The following DCLK1 variants were observed in gnomAD, a reference collection of about 807,000 sequenced individuals.
The protein encoded by DCLK1 is doublecortin like kinase 1.
DCLK1 carries 16 observed loss-of-function variants against 86.2 expected under a neutral mutation model. That is an observed-to-expected ratio of 0.19 (90% CI 0.13 to 0.28). The LOEUF (loss-of-function observed/expected upper bound fraction) is 0.28. Ranked by LOEUF, DCLK1 falls within the 10% of genes least tolerant of loss-of-function variation. The pLI, the probability that DCLK1 is intolerant of heterozygous loss-of-function variation, is 1.00. For synonymous variants in DCLK1, 369 were observed against 370.5 expected (o/e 1.00, Z 0.05); for missense variants, 590 against 940.2 (o/e 0.63, Z 4.87).
chr13:35,975,968 C>A (rs977691460), intron 3 of DCLK1, among the ~76,000 whole-genome samples: 2 of 152,182 alleles, frequency 1.3e-5, no homozygotes, highest in Non-Finnish European at 2.9e-5. Context: ...ATCCTCCGAC[C>A]TATTTCCTCA....
chr13:35,945,180 G>C (rs746727987), intron 4 of DCLK1, among the ~76,000 whole-genome samples: 1 of 152,146 alleles, frequency 6.6e-6, no homozygotes, highest in Non-Finnish European at 1.5e-5. Flanking sequence ...GTTTACAGGC[G>C]TGAGCCACTG....
intron 3 of DCLK1, among the ~76,000 whole-genome samples, chr13:35,954,220 T>A (rs9574980): frequency 0.15 from 22,769 of 151,598 alleles, 2,048 homozygotes; most frequent in East Asian, 0.22. Flanking sequence ...GCTTTTTTTT[T>A]AAAAAAAAAT....
Position 35,812,227 on chromosome 13 carries a change from C to T in DCLK1, c.1555-1259G>A, listed in dbSNP as rs550562285. 1.4e-3 allele frequency among the ~76,000 whole-genome samples: 210 copies of T among 152,208 alleles called. 1 individual carries two copies. Among genetic ancestry groups the T allele is most frequent in the Non-Finnish European group, 2.6e-3 (178 of 68,026 alleles). Reference sequence around the variant, plus strand: ...TTATTTCAAAGAAAAGATGAAAGGGCGTTCAGAATCCTAATTGAGTCCCCT... The same window carrying T: ...TTATTTCAAAGAAAAGATGAAAGGGTGTTCAGAATCCTAATTGAGTCCCCT... On this transcript the variant is annotated intron_variant, in intron 11 of 16. Coordinates refer to ENST00000360631, the MANE Select transcript of DCLK1 (RefSeq NM_001330071.2).
chr13:36,077,848 G>A (rs942149545), intron 3 of DCLK1, among the ~76,000 whole-genome samples: 4 of 152,176 alleles, frequency 2.6e-5, no homozygotes, highest in African/African-American at 9.7e-5. Flanking sequence ...CAATGCTGAT[G>A]TCGGGGACAT....
At chr13:35,780,376 C>G (rs188662565) in intron 16 of DCLK1, among the ~76,000 whole-genome samples, 417 of 152,242 alleles carry the variant, frequency 2.7e-3, no homozygotes, top group African/African-American at 9.6e-3. Context: ...CCAAGTGTTT[C>G]CTTAGTAAGT....
At chr13:35,926,812 G>A (rs1165484394) in intron 4 of DCLK1, among the ~76,000 whole-genome samples, 1 of 152,230 alleles carries the variant, frequency 6.6e-6, no homozygotes, top group Non-Finnish European at 1.5e-5. Flanking sequence ...AACTCAGAGA[G>A]GTTAAGTAAT....
At chr13:35,914,161 A>G (rs1334229424) in intron 4 of DCLK1, among the ~76,000 whole-genome samples, 1 of 151,576 alleles carries the variant, frequency 6.6e-6, no homozygotes. Flanking sequence ...TCTACAAAAA[A>G]TACAAATATT....
chr13:35,902,360 C>T (rs559918402), intron 4 of DCLK1, among the ~76,000 whole-genome samples: 7 of 152,304 alleles, frequency 4.6e-5, no homozygotes, highest in South Asian at 4.1e-4. Context: ...CGATTTCCTA[C>T]GCAAGCTTGG....
intron 4 of DCLK1, among the ~76,000 whole-genome samples, chr13:35,880,209 T>C (rs1364518965): frequency 6.6e-6 from 1 of 152,224 alleles, no homozygotes; most frequent in Non-Finnish European, 1.5e-5. Context: ...TAAAATTGGA[T>C]TAGTACCCAT....
intron 6 of DCLK1, among the ~76,000 whole-genome samples, chr13:35,844,716 G>C (rs1016389400): frequency 6.6e-6 from 1 of 152,114 alleles, no homozygotes. Flanking sequence ...TTAAACTCTG[G>C]TTATATTAAG....
chr13:35,836,272 G>A (rs1411774154), intron 7 of DCLK1, 131 bp from the exon 8 acceptor site: 1 of 727,800 alleles, frequency 1.4e-6, no homozygotes, highest in African/African-American at 1.8e-5. Context: ...TGTACAGTGA[G>A]GCAACTGCCT....
intron 3 of DCLK1, among the ~76,000 whole-genome samples, chr13:36,008,703 T>C (rs1465486179): frequency 6.7e-6 from 1 of 150,268 alleles, no homozygotes; most frequent in African/African-American, 2.4e-5. Flanking sequence ...TGTGTCTTTA[T>C]AGCAGCATGA....
chr13:35,788,034 T>A (rs1026003161), intron 16 of DCLK1: 2 of 643,994 alleles, frequency 3.1e-6, no homozygotes, highest in Non-Finnish European at 5.5e-6. Context: ...GAATAATGGG[T>A]GAAAAAAAGG....
At chr13:35,851,584 C>T (rs1004618451) in intron 6 of DCLK1, among the ~76,000 whole-genome samples, 19 of 152,286 alleles carry the variant, frequency 1.2e-4, no homozygotes, top group Non-Finnish European at 2.6e-4. Flanking sequence ...CAACACATTT[C>T]TTCCTGATGG....
intron 4 of DCLK1, among the ~76,000 whole-genome samples, chr13:35,871,902 G>A (rs1593684676): frequency 1.3e-5 from 2 of 152,218 alleles, no homozygotes; most frequent in Admixed American, 1.3e-4. Context: ...CCTGCTGCAA[G>A]GGCATCCTGC....
At chr13:36,059,977 T>A (rs537309349) in intron 3 of DCLK1, among the ~76,000 whole-genome samples, 214 of 152,040 alleles carry the variant, frequency 1.4e-3, no homozygotes, top group African/African-American at 4.8e-3. Context: ...GTTCAAGAGA[T>A]TCTTCTGCCT....
intron 3 of DCLK1, among the ~76,000 whole-genome samples, chr13:36,030,506 C>G (rs2153153076): frequency 6.8e-6 from 1 of 147,180 alleles, no homozygotes; most frequent in East Asian, 2.0e-4. Flanking sequence ...GGAATTTCAT[C>G]ACGTTGGCCA....
At chr13:36,025,838 G>A (rs61948284) in intron 3 of DCLK1, among the ~76,000 whole-genome samples, 397 of 152,140 alleles carry the variant, frequency 2.6e-3, no homozygotes, top group Non-Finnish European at 3.6e-3. Flanking sequence ...AAATTTAGAC[G>A]TGATTTAATC....
chr13:36,045,747 G>A (rs1882888610), intron 3 of DCLK1, among the ~76,000 whole-genome samples: 1 of 151,950 alleles, frequency 6.6e-6, no homozygotes, highest in Admixed American at 6.6e-5. Context: ...AGCTACATTA[G>A]GATGCTGAGG....
Sources: allele counts gnomAD v4.1 joint callset (sites outside exome capture counted in the v4.1 genomes callset), GRCh38; gene constraint gnomAD v4.1.1; transcripts MANE v1.5; gene names NCBI Gene and HGNC (gene_info 2026-07-23, HGNC 2026-07-21).